The following ZNF846 variants were observed in gnomAD, a reference collection of about 807,000 sequenced individuals.
ZNF846 encodes the protein zinc finger protein 420 pseudogene.
Under a neutral mutation model 16.0 loss-of-function variants are expected in ZNF846, and 15 were observed. The observed-to-expected ratio is 0.94, with a 90% CI of 0.63 to 1.45. The LOEUF is 1.45. Among genes scored for constraint, ZNF846 ranks in the 40% most tolerant of loss-of-function variants. The pLI, the probability that ZNF846 is intolerant of heterozygous loss-of-function variation, is 0.00. For missense variants in ZNF846, 714 were observed against 622.3 expected, an observed-to-expected ratio of 1.15 and a Z score of -1.57; for synonymous variants, 229 against 212.0, an observed-to-expected ratio of 1.08 and a Z score of -0.70.
intron 4 of ZNF846, among the ~76,000 whole-genome samples, 153 bp downstream of exon 4, chr19:9,761,929 G>A (rs576243555): frequency 1.3e-5 from 2 of 152,236 alleles, no homozygotes; most frequent in South Asian, 2.1e-4. Context: ...AAGATGAGGG[G>A]AGTTGAAAGT....
chr19:9,781,091 A>G (rs1346038331), intron 1 of ZNF846, among the ~76,000 whole-genome samples: 1 of 152,146 alleles, frequency 6.6e-6, no homozygotes, highest in Non-Finnish European at 1.5e-5. Context: ...TTCAGAACTT[A>G]AGTCAACCTT....
chr19:9,757,462 T>A, downstream of ZNF846: 3 of 1,546,062 alleles, frequency 1.9e-6, no homozygotes, highest in Non-Finnish European at 2.6e-6. Flanking sequence ...AATACTAAGA[T>A]CTGAGGAACA....
intron 1 of ZNF846, among the ~76,000 whole-genome samples, chr19:9,780,301 T>A (rs1456422675): frequency 6.6e-6 from 1 of 152,012 alleles, no homozygotes; most frequent in East Asian, 1.9e-4. Context: ...ACTCCCAGGC[T>A]CAAGTGATCC....
chr19:9,757,584 C>A lies in ZNF846; in HGVS notation c.1493G>T (p.Arg498Leu), dbSNP rs563965653. 6 of 1,613,460 alleles carry A rather than the reference C, an allele frequency of 3.7e-6. 1 individual carries two copies. In the African/African-American group the frequency reaches 6.7e-5, roughly 18 times the overall value. The stretch of plus-strand genomic sequence containing the variant: ...ATATGGTTTTGCTCCAGTGTGAGTT[C>A]GTGTGTGAACGTTAAGGTATGTGGA... The change falls in exon 6 of 6, where the codon CGA (arginine) becomes CTA (leucine). Residue 498 changes from arginine to leucine, a missense_variant. By Grantham distance (102) the Arg-to-Leu change is moderately radical (BLOSUM62 -2). Transcript: ENST00000397902.
exon 2 of ZNF846, chr19:9,764,958 C>A (rs779969539): frequency 6.2e-7 from 1 of 1,614,124 alleles, no homozygotes; most frequent in Admixed American, 1.7e-5. Flanking sequence ...CATCAGTAAT[C>A]CATCAGTAAC....
At position 9,759,816 on chromosome 19, in the gene ZNF846, C is replaced by T. The variant is rs200217440; in HGVS notation, c.312+44G>A. The stretch of plus-strand genomic sequence containing the variant: ...TCATATAATTTTCATGAATATTGTG[C>T]TTCTTGTCCTAGTGTGGAAGATTTC... On this transcript the variant is annotated intron_variant, in intron 5 of 5. Coordinates refer to ENST00000397902, the Ensembl canonical transcript of ZNF846. 3,435 of 1,441,436 alleles carry T rather than the reference C, an allele frequency of 2.4e-3. 8 individuals are homozygous for T. The highest frequency in any genetic ancestry group is 3.1e-3 in the Non-Finnish European group (3,209 of 1,038,206). 89.3% of individuals were successfully genotyped at this position (1,441,436 alleles called of 1,614,324 possible). A position where few individuals can be genotyped will look rare whatever the true frequency, so the allele number is the denominator to read the frequency against.
chr19:9,755,029 C>T (rs751771687), downstream of ZNF846, among the ~76,000 whole-genome samples: 1 of 151,278 alleles, frequency 6.6e-6, no homozygotes, highest in Admixed American at 6.6e-5. Flanking sequence ...CCACACCCAG[C>T]TAATTTTTGT....
chr19:9,783,856 A>C (rs2045530781), intron 1 of ZNF846, among the ~76,000 whole-genome samples: 1 of 151,524 alleles, frequency 6.6e-6, no homozygotes, highest in Non-Finnish European at 1.5e-5. Context: ...TGCTTGGCTA[A>C]TTTTTATTTT....
chr19:9,765,516 C>CA, intron 1 of ZNF846, among the ~76,000 whole-genome samples: 1 of 151,946 alleles, frequency 6.6e-6, no homozygotes, highest in South Asian at 2.1e-4. Context: ...ACTAAAGCTA[C>CA]AAAAAAATTA....
intron 1 of ZNF846, chr19:9,774,889 G>A (rs1024489243): frequency 6.2e-7 from 1 of 1,609,928 alleles, no homozygotes; most frequent in African/African-American, 1.3e-5. Flanking sequence ...AATACTCTAA[G>A]GACCGTAAAA....
intron 1 of ZNF846, among the ~76,000 whole-genome samples, chr19:9,781,654 A>C (rs2045502555): frequency 6.6e-6 from 1 of 151,478 alleles, no homozygotes; most frequent in Non-Finnish European, 1.5e-5. Flanking sequence ...CAGATCCCAC[A>C]AAAAAAAACT....
intron 1 of ZNF846, among the ~76,000 whole-genome samples, chr19:9,775,348 C>T (rs903463582): frequency 6.6e-6 from 1 of 152,094 alleles, no homozygotes; most frequent in South Asian, 2.1e-4. Flanking sequence ...TGACAATGCC[C>T]TACAGATATT....
downstream of ZNF846, among the ~76,000 whole-genome samples, chr19:9,755,026 C>A (rs941696800): frequency 6.6e-6 from 1 of 151,274 alleles, no homozygotes; most frequent in Non-Finnish European, 1.5e-5. Flanking sequence ...CCACCACACC[C>A]AGCTAATTTT....
intron 1 of ZNF846, among the ~76,000 whole-genome samples, chr19:9,783,453 G>A (rs1170813966): frequency 2.1e-5 from 3 of 144,800 alleles, no homozygotes; most frequent in African/African-American, 7.6e-5. Flanking sequence ...GTTCAAGGCT[G>A]CAGTGTGCTA....
chr19:9,777,454 C>T lies in ZNF846; in HGVS notation c.-86+8484G>A, dbSNP rs10425840. 5.1e-3 allele frequency among the ~76,000 whole-genome samples: 775 copies of T among 151,772 alleles called. 3 individuals carry two copies. Among genetic ancestry groups the T allele is most frequent in the African/African-American group, 0.018 (749 of 41,352 alleles). On this transcript the variant is annotated intron_variant, in intron 1 of 4. Transcript: ENST00000586814. The stretch of plus-strand genomic sequence containing the variant: ...TTTGGAGGTCGAGGTGGGCAGATCA[C>T]GAGGTCAGGAGATCGAGACCATCCT...
chr19:9,783,635 A>C (rs2045528461), intron 1 of ZNF846, among the ~76,000 whole-genome samples: 1 of 147,800 alleles, frequency 6.8e-6, no homozygotes, highest in African/African-American at 2.5e-5. Flanking sequence ...CCAACTCCTG[A>C]GCTCAAGTGC....
Position 9,758,720 on chromosome 19 carries a change from A to G in ZNF846, c.357T>C (p.Ser119=), listed in dbSNP as rs1287477422. 3.7e-6 allele frequency: 6 copies of G among 1,605,750 alleles called. 1 individual carries two copies. The African/African-American group carries it at 8.1e-5, about 22-fold the overall frequency. Residue 119 remains serine, a synonymous_variant, in exon 6 of 6, where the codon TCT becomes TCC. Coordinates refer to ENST00000397902, the Ensembl canonical transcript of ZNF846. Reference sequence around the variant, plus strand: ...ATGGGTGTTCATTGAAGACTTTTCCAGAATGGTTAGAGTCATACAGTTTCT... The same window carrying G: ...ATGGGTGTTCATTGAAGACTTTTCCGGAATGGTTAGAGTCATACAGTTTCT...
chr19:9,764,811 TG>T, intron 2 of ZNF846, 124 bp downstream of exon 2: 1 of 1,145,868 alleles, frequency 8.7e-7, no homozygotes, highest in Non-Finnish European at 1.3e-6. Flanking sequence ...GAAATTCACC[TG>T]GGGAGTTATT....
chr19:9,763,562 T>A, intron 2 of ZNF846, 154 bp from the exon 3 acceptor site: 1 of 554,084 alleles, frequency 1.8e-6, no homozygotes, highest in Non-Finnish European at 3.0e-6. Context: ...TGCAATGGCA[T>A]CCAATCCCAT....
Sources: allele counts gnomAD v4.1 joint callset (sites outside exome capture counted in the v4.1 genomes callset), GRCh38; gene constraint gnomAD v4.1.1; transcripts MANE v1.5; gene names NCBI Gene and HGNC (gene_info 2026-07-23, HGNC 2026-07-21).